Variants in LAMA2 observed in about 807,000 individuals in gnomAD.
The protein encoded by LAMA2 is laminin subunit alpha 2.
A neutral mutation model predicts 364.8 loss-of-function variants in LAMA2; 269 were observed. The ratio of observed to expected loss-of-function variants is 0.74; its 90% CI spans 0.67 to 0.82. The LOEUF (loss-of-function observed/expected upper bound fraction) is 0.82. Among genes scored for constraint, LAMA2 ranks in the 40% least tolerant of loss-of-function variants. The probability of loss-of-function intolerance (pLI) is 0.00; values close to 1 mark genes in which losing one functional copy is unlikely to be tolerated. For synonymous variants in LAMA2, 1,379 were observed against 1,370.6 expected, an observed-to-expected ratio of 1.01 and a Z score of -0.14; for missense variants, 3,807 against 3,873.2, an observed-to-expected ratio of 0.98 and a Z score of 0.45.
intron 1 of LAMA2, among the ~76,000 whole-genome samples, chr6:128,889,512 T>TA (rs1283389998): frequency 6.6e-6 from 1 of 152,060 alleles, no homozygotes; most frequent in African/African-American, 2.4e-5. Context: ...ACAAAAAAGG[T>TA]AAAAAAATTG....
chr6:129,314,504 T>C, intron 23 of LAMA2, 151 bp from the exon 24 acceptor site: 3 of 693,386 alleles, frequency 4.3e-6, no homozygotes, highest in Non-Finnish European at 5.2e-6. Flanking sequence ...GTTAACTACA[T>C]GTGCCATTTG....
chr6:128,931,968 C>G (rs1289929977), intron 1 of LAMA2, among the ~76,000 whole-genome samples: 1 of 152,128 alleles, frequency 6.6e-6, no homozygotes, highest in African/African-American at 2.4e-5. Context: ...TTTAAAAGCA[C>G]CAATCCTTCT....
intron 1 of LAMA2, chr6:128,929,628 C>A: frequency 7.1e-7 from 1 of 1,403,348 alleles, no homozygotes; most frequent in Middle Eastern, 2.2e-4. Flanking sequence ...TGCTGACCTG[C>A]TCAAATATGG....
chr6:129,261,648 T>C (rs114612623), intron 15 of LAMA2, among the ~76,000 whole-genome samples: 2,129 of 152,250 alleles, frequency 0.014, 22 homozygotes, highest in Middle Eastern at 0.068. Context: ...GATGTTCCAC[T>C]TCAGAACACT....
intron 4 of LAMA2, among the ~76,000 whole-genome samples, chr6:129,102,103 TG>T (rs1775548414): frequency 2.0e-5 from 3 of 151,550 alleles, no homozygotes; most frequent in African/African-American, 4.8e-5. Flanking sequence ...TAAATTTCTC[TG>T]GTTCATTTTC....
chr6:129,158,098 G>T (rs1779232394), intron 8 of LAMA2: 1 of 1,612,140 alleles, frequency 6.2e-7, no homozygotes, highest in Non-Finnish European at 8.5e-7. Flanking sequence ...AGGTGGCACA[G>T]ACCACAGGCA....
At chr6:129,143,582 A>G (rs781286368) in intron 4 of LAMA2, among the ~76,000 whole-genome samples, 9 of 152,056 alleles carry the variant, frequency 5.9e-5, no homozygotes, top group Non-Finnish European at 1.2e-4. Flanking sequence ...AATAATTTTC[A>G]GAGAAAGAAT....
At chr6:129,051,639 A>G (rs766670980) in intron 2 of LAMA2, among the ~76,000 whole-genome samples, 1 of 145,898 alleles carries the variant, frequency 6.9e-6, no homozygotes, top group Admixed American at 6.9e-5. Context: ...TATTATATGT[A>G]GAGAGATATA....
rs1379597577 is a variant in LAMA2, at chr6:129,473,266, T to G, written c.7353T>G (p.Thr2451=). The change falls in exon 52 of 65, where the codon ACT becomes ACG. Residue 2451 remains threonine, a synonymous_variant. Coordinates refer to ENST00000421865, the MANE Select transcript of LAMA2 (RefSeq NM_000426.4). ...CTAATCAGGAGGAGAATATAGCAAC[T>G]TCGTCTTCTGGAAACAACTTTGGTC... The part of the protein sequence containing the change: ...IDTNQEENIA[T]SSSGNNFGLD... 2 of 1,609,528 alleles carry G rather than the reference T, an allele frequency of 1.2e-6. No homozygotes were observed. The highest frequency in any genetic ancestry group is 2.7e-5 in the African/African-American group (2 of 74,790).
intron 9 of LAMA2, 59 bp downstream of exon 9, chr6:129,165,734 G>A: frequency 1.0e-6 from 1 of 987,096 alleles, no homozygotes; most frequent in Non-Finnish European, 1.6e-6. Flanking sequence ...AGCCAAATAT[G>A]ATTATTTTCA....
chr6:129,389,700 G>A (rs1393406182), intron 35 of LAMA2, among the ~76,000 whole-genome samples: 1 of 152,200 alleles, frequency 6.6e-6, no homozygotes, highest in African/African-American at 2.4e-5. Context: ...AAGGCAAAGG[G>A]AAAGCAAGGA....
At chr6:129,313,397 G>T (rs1774356979) in intron 23 of LAMA2, among the ~76,000 whole-genome samples, 1 of 152,096 alleles carries the variant, frequency 6.6e-6, no homozygotes, top group Non-Finnish European at 1.5e-5. Flanking sequence ...CTTCGATAAG[G>T]ACAATCTGGG....
intron 18 of LAMA2, among the ~76,000 whole-genome samples, chr6:129,283,277 G>T (rs1056172295): frequency 6.6e-6 from 1 of 152,082 alleles, no homozygotes; most frequent in Non-Finnish European, 1.5e-5. Flanking sequence ...GATTAAGTAA[G>T]CAATTGGAAT....
At chr6:129,151,821 A>T (rs747369631) in intron 7 of LAMA2, among the ~76,000 whole-genome samples, 4 of 152,192 alleles carry the variant, frequency 2.6e-5, no homozygotes, top group Non-Finnish European at 1.5e-5. Flanking sequence ...CGTGGAGATT[A>T]CAATTTCAAA....
chr6:129,165,654 G>A lies in LAMA2; in HGVS notation c.1285G>A (p.Asp429Asn). ...IGSLNEVCVKDEKHARRGLAP... is the reference protein window; with the variant it reads ...IGSLNEVCVKNEKHARRGLAP... The stretch of plus-strand genomic sequence containing the variant: ...TTCCTTAAATGAAGTCTGTGTCAAG[G>A]ATGAGAAACATGCTCGACGAGGTGA... Residue 429 changes from aspartate (D) to asparagine (N), a missense_variant, in exon 9 of 65, where the codon GAT becomes AAT. Around this residue, in one of 3 missense-constraint regions of LAMA2, gnomAD observed 3,333 missense variants for 3,345.7 expected, o/e 1.00. Coordinates refer to ENST00000421865, the MANE Select transcript of LAMA2 (RefSeq NM_000426.4). 2 of 1,611,384 alleles carry A rather than the reference G, an allele frequency of 1.2e-6. No homozygotes were observed. The highest frequency in any genetic ancestry group is 1.7e-6 in the Non-Finnish European group (2 of 1,177,808).
At chr6:129,138,378 A>G (rs889606379) in intron 4 of LAMA2, among the ~76,000 whole-genome samples, 6 of 152,138 alleles carry the variant, frequency 3.9e-5, no homozygotes, top group African/African-American at 1.4e-4. Context: ...GAAGTAAAGG[A>G]AAATTGACAG....
chr6:128,962,185 T>TATATATATATATATATATATACAC (rs1214826895), intron 1 of LAMA2, among the ~76,000 whole-genome samples: 1 of 103,930 alleles, frequency 9.6e-6, no homozygotes, highest in Non-Finnish European at 2.0e-5. Flanking sequence ...TATATATATA[T>TATATATATATATATATATATACAC]ACACACATAC....
intron 1 of LAMA2, among the ~76,000 whole-genome samples, chr6:129,023,284 C>G (rs1180157599): frequency 6.6e-6 from 1 of 152,154 alleles, no homozygotes; most frequent in Non-Finnish European, 1.5e-5. Context: ...GACTCTCTTC[C>G]ATGACTTCTA....
chr6:129,283,222 G>T (rs1045604271), intron 18 of LAMA2, among the ~76,000 whole-genome samples: 1 of 152,072 alleles, frequency 6.6e-6, no homozygotes, highest in Admixed American at 6.6e-5. Context: ...TGGACAAGAG[G>T]AGAACAAAAA....
Sources: allele counts gnomAD v4.1 joint callset (sites outside exome capture counted in the v4.1 genomes callset), GRCh38; gene constraint gnomAD v4.1.1; regional missense constraint gnomAD v4.1.1; transcripts MANE v1.5; gene names NCBI Gene and HGNC (gene_info 2026-07-23, HGNC 2026-07-21).